Variants in ATP11A observed in about 807,000 individuals in gnomAD.
ATP11A encodes phospholipid-transporting ATPase IH.
A neutral mutation model predicts 154.4 loss-of-function variants in ATP11A; 81 were observed. That is an observed-to-expected ratio of 0.52 (90% CI 0.44 to 0.63). ATP11A has a LOEUF of 0.63. Among genes scored for constraint, ATP11A ranks in the 30% least tolerant of loss-of-function variants. The probability of loss-of-function intolerance (pLI) is 0.00; values close to 1 mark genes in which losing one functional copy is unlikely to be tolerated. For synonymous variants in ATP11A, 623 were observed against 585.9 expected (o/e 1.06, Z -0.91); for missense variants, 1,316 against 1,474.3 (o/e 0.89, Z 1.76).
At chr13:112,809,745 T>C (rs79219592) in intron 4 of ATP11A, among the ~76,000 whole-genome samples, 4,015 of 152,242 alleles carry the variant, frequency 0.026, 80 homozygotes, top group Middle Eastern at 0.082. Flanking sequence ...CCCATCCTTA[T>C]CTAAGGCACC....
intron 16 of ATP11A, among the ~76,000 whole-genome samples, chr13:112,841,340 A>C (rs1281097491): frequency 1.4e-5 from 2 of 144,904 alleles, no homozygotes; most frequent in Non-Finnish European, 3.0e-5. Context: ...GGGATGCTTC[A>C]GGTGTAGAGG....
intron 20 of ATP11A, chr13:112,856,908 A>G (rs942383987): frequency 6.6e-6 from 1 of 152,198 alleles, no homozygotes; most frequent in African/African-American, 2.4e-5. Flanking sequence ...CAATTTCACT[A>G]AAAACACAGA....
chr13:112,816,424 A>G (rs1000615039), intron 6 of ATP11A, among the ~76,000 whole-genome samples: 6 of 152,076 alleles, frequency 3.9e-5, no homozygotes, highest in African/African-American at 1.2e-4. Context: ...TATTGTGTAT[A>G]TTTGAGGCAT....
chr13:112,810,553 C>T (rs1230966385), intron 4 of ATP11A, 66 bp from the exon 5 acceptor site: 5 of 1,288,130 alleles, frequency 3.9e-6, no homozygotes, highest in East Asian at 4.6e-5. Context: ...TTCTGTCTCT[C>T]CCTCCCTTTC....
intron 1 of ATP11A, among the ~76,000 whole-genome samples, chr13:112,741,271 T>C: frequency 6.7e-6 from 1 of 149,482 alleles, no homozygotes; most frequent in East Asian, 2.0e-4. Flanking sequence ...GGTGGCCCGG[T>C]CCCTGCGGGG....
rs148916453 is a variant in ATP11A, at chr13:112,790,382, C to A, written c.162+5125C>A. On this transcript the variant is annotated intron_variant, in intron 2 of 29. Coordinates refer to ENST00000375645, the MANE Select transcript of ATP11A (RefSeq NM_015205.3). Reference sequence around the variant, plus strand: ...CTGCCATGTAGACTTCTGTGTAGACCTACTTAATTCACACCGGGTGTCCTG... The same window carrying A: ...CTGCCATGTAGACTTCTGTGTAGACATACTTAATTCACACCGGGTGTCCTG... 5.3e-3 allele frequency among the ~76,000 whole-genome samples: 797 copies of A among 151,706 alleles called. 9 individuals carry two copies. The highest frequency in any genetic ancestry group is 0.017 in the African/African-American group (717 of 41,322).
chr13:112,825,506 A>G lies in ATP11A; in HGVS notation c.949A>G (p.Met317Val), dbSNP rs368865. The G allele has an allele frequency of 0.74, 1,200,883 of 1,613,206 alleles. 450,500 individuals are homozygous for G. Among genetic ancestry groups the G allele is most frequent in the African/African-American group, 0.96 (71,850 of 75,000 alleles). Residue 317 changes from methionine to valine, a missense_variant, in exon 11 of 30, where the codon ATG becomes GTG. Physicochemically the swap from Met to Val is conservative, Grantham distance 21. Transcript: ENST00000375645. ...KALINTVLKY[M>V]WQSEPFRDEP... Reference sequence around the variant, plus strand: ...CCTGATAAACACTGTGCTGAAATACATGTGGCAGAGTGAGCCCTTTCGGGA... The same window carrying G: ...CCTGATAAACACTGTGCTGAAATACGTGTGGCAGAGTGAGCCCTTTCGGGA...
chr13:112,781,182 C>T (rs1177963456), intron 1 of ATP11A, among the ~76,000 whole-genome samples: 5 of 152,042 alleles, frequency 3.3e-5, no homozygotes, highest in African/African-American at 4.8e-5. Flanking sequence ...GGACTACAGG[C>T]GCCCACATGC....
chr13:112,691,648 G>A (rs527985973), intron 1 of ATP11A, among the ~76,000 whole-genome samples: 2 of 152,146 alleles, frequency 1.3e-5, no homozygotes, highest in East Asian at 3.9e-4. Context: ...ATACTAGAGA[G>A]GGCAGTATTA....
At chr13:112,799,975 A>C (rs548551280) in intron 2 of ATP11A, among the ~76,000 whole-genome samples, 1 of 152,336 alleles carries the variant, frequency 6.6e-6, no homozygotes, top group South Asian at 2.1e-4. Flanking sequence ...GAGGCATAAA[A>C]ATATTTTAAG....
At chr13:112,816,011 G>A (rs1284742363) in intron 5 of ATP11A, 72 bp from the exon 6 acceptor site, 1 of 1,594,920 alleles carries the variant, frequency 6.3e-7, no homozygotes, top group South Asian at 1.1e-5. Flanking sequence ...CTTGAGGGAA[G>A]CGGTCCCACA....
chr13:112,850,723 A>T, intron 17 of ATP11A, among the ~76,000 whole-genome samples: 1 of 152,196 alleles, frequency 6.6e-6, no homozygotes, highest in Non-Finnish European at 1.5e-5. Flanking sequence ...AACAAATTTT[A>T]TCTTTTGATA....
intron 1 of ATP11A, among the ~76,000 whole-genome samples, chr13:112,719,723 A>G (rs933321129): frequency 6.6e-6 from 1 of 152,126 alleles, no homozygotes; most frequent in South Asian, 2.1e-4. Context: ...TTGCTGACTC[A>G]GGTCAACAGA....
intron 1 of ATP11A, among the ~76,000 whole-genome samples, chr13:112,764,337 C>T (rs1217114405): frequency 1.5e-5 from 2 of 133,446 alleles, no homozygotes; most frequent in Admixed American, 1.4e-4. Context: ...CTGTCACAGA[C>T]AGTGCACTGT....
intron 1 of ATP11A, among the ~76,000 whole-genome samples, chr13:112,716,701 G>A (rs894240435): frequency 3.3e-5 from 5 of 152,214 alleles, no homozygotes; most frequent in Admixed American, 3.3e-4. Flanking sequence ...GGGTGTGAGA[G>A]CAGGTTCCTC....
intron 16 of ATP11A, 27 bp from the exon 17 acceptor site, chr13:112,842,249 A>G (rs755047138): frequency 1.3e-6 from 2 of 1,536,890 alleles, no homozygotes; most frequent in South Asian, 2.3e-5. Context: ...TATTGTGATT[A>G]AACTCCTCAT....
intron 2 of ATP11A, among the ~76,000 whole-genome samples, chr13:112,798,190 C>T (rs1397198321): frequency 6.6e-6 from 1 of 152,180 alleles, no homozygotes. Context: ...CTCCTGGGAC[C>T]GTGACTAGTT....
At chr13:112,727,133 C>T (rs1305909445) in intron 1 of ATP11A, among the ~76,000 whole-genome samples, 2 of 152,168 alleles carry the variant, frequency 1.3e-5, no homozygotes, top group East Asian at 1.9e-4. Flanking sequence ...CTGCAATCTC[C>T]GCCTCCCAGG....
intron 28 of ATP11A, 137 bp downstream of exon 28, chr13:112,876,078 C>A: frequency 1.1e-6 from 1 of 924,492 alleles, no homozygotes; most frequent in Non-Finnish European, 1.5e-6. Context: ...TAATGAGTGT[C>A]CTGACGGTGC....
Sources: allele counts gnomAD v4.1 joint callset (sites outside exome capture counted in the v4.1 genomes callset), GRCh38; gene constraint gnomAD v4.1.1; transcripts MANE v1.5; gene names NCBI Gene and HGNC (gene_info 2026-07-23, HGNC 2026-07-21).